DPH6: variants seen among roughly 807,000 people sequenced by gnomAD.
DPH6 encodes the protein diphthamine biosynthesis 6.
A neutral mutation model predicts 38.2 loss-of-function variants in DPH6; 33 were observed. The ratio of observed to expected loss-of-function variants is 0.86; its 90% confidence interval spans 0.65 to 1.15. The LOEUF (loss-of-function observed/expected upper bound fraction) is 1.15. Ranked by LOEUF, DPH6 falls within the 50% of genes most tolerant of loss-of-function variation. The probability of loss-of-function intolerance (pLI) is 0.00; values close to 1 mark genes in which losing one functional copy is unlikely to be tolerated. For synonymous variants in DPH6, 108 were observed against 103.0 expected, an observed-to-expected ratio of 1.05 and a Z score of -0.30; for missense variants, 325 against 320.0, an observed-to-expected ratio of 1.02 and a Z score of -0.12.
intron 3 of DPH6, among the ~76,000 whole-genome samples, chr15:35,312,010 G>GAAAAAAAAAAAA (rs10573455): frequency 4.9e-5 from 5 of 102,142 alleles, no homozygotes; most frequent in Admixed American, 1.1e-4. Context: ...TTAAGAAAAT[G>GAAAAAAAAAAAA]AAAAAAAAAA....
intron 5 of DPH6, among the ~76,000 whole-genome samples, chr15:35,431,856 C>G (rs1009295283): frequency 1.3e-5 from 2 of 151,948 alleles, no homozygotes; most frequent in Non-Finnish European, 2.9e-5. Flanking sequence ...GGCGCAATCT[C>G]GGCTCACTGC....
chr15:35,324,471 G>C (rs2052266441), intron 3 of DPH6, among the ~76,000 whole-genome samples: 1 of 152,100 alleles, frequency 6.6e-6, no homozygotes, highest in Admixed American at 6.6e-5. Flanking sequence ...TCCTTCCACT[G>C]TGTCTTATAA....
intron 3 of DPH6, among the ~76,000 whole-genome samples, chr15:35,300,341 A>C (rs574428770): frequency 2.6e-5 from 4 of 152,320 alleles, no homozygotes; most frequent in African/African-American, 9.6e-5. Flanking sequence ...TGAGTACTAC[A>C]TTGAGAATAA....
At chr15:35,239,805 A>G (rs1414061096) in intron 3 of DPH6, among the ~76,000 whole-genome samples, 3 of 140,926 alleles carry the variant, frequency 2.1e-5, no homozygotes, top group Non-Finnish European at 4.6e-5. Flanking sequence ...GAACCCCCCA[A>G]TCGCTTATTT....
intron 3 of DPH6, among the ~76,000 whole-genome samples, chr15:35,340,719 G>T (rs1214833521): frequency 6.6e-6 from 1 of 152,132 alleles, no homozygotes; most frequent in Non-Finnish European, 1.5e-5. Flanking sequence ...ATCTCTTCTG[G>T]CTTGTGGGGT....
At chr15:35,215,363 C>T (rs143877970), downstream of DPH6, among the ~76,000 whole-genome samples, 2 of 152,254 alleles carry the variant, frequency 1.3e-5, no homozygotes, top group African/African-American at 2.4e-5. Flanking sequence ...TAAGGAAGTA[C>T]ATATAACCTA....
chr15:35,269,249 T>C (rs1008685342), intron 3 of DPH6, among the ~76,000 whole-genome samples: 2 of 152,200 alleles, frequency 1.3e-5, no homozygotes, highest in Non-Finnish European at 2.9e-5. Context: ...TTTTTTCTTC[T>C]TCACTGTTTT....
downstream of DPH6, among the ~76,000 whole-genome samples, chr15:35,326,010 C>A (rs1431812048): frequency 6.6e-6 from 1 of 151,998 alleles, no homozygotes; most frequent in Non-Finnish European, 1.5e-5. Flanking sequence ...CCACAATATA[C>A]CAATCAGAAT....
chr15:35,284,800 A>AT (rs1214766013), intron 3 of DPH6, among the ~76,000 whole-genome samples: 2 of 112,806 alleles, frequency 1.8e-5, no homozygotes, highest in Non-Finnish European at 3.6e-5. Flanking sequence ...GAAGTCTCCA[A>AT]ATTTTTTTTT....
intron 3 of DPH6, among the ~76,000 whole-genome samples, chr15:35,341,235 T>C (rs1329803078): frequency 6.6e-6 from 1 of 152,204 alleles, no homozygotes; most frequent in Non-Finnish European, 1.5e-5. Context: ...GTTGGTTATG[T>C]TCCTCTCCAG....
the DPH6 span, among the ~76,000 whole-genome samples, chr15:35,147,079 A>G: frequency 6.6e-6 from 1 of 152,244 alleles, no homozygotes; most frequent in South Asian, 2.1e-4. Flanking sequence ...GCCATCAAGC[A>G]AGCACTTACA....
At chr15:35,488,982 GA>G (rs112457181) in intron 3 of DPH6, among the ~76,000 whole-genome samples, 17,423 of 146,030 alleles carry the variant, frequency 0.12, 1,495 homozygotes, top group African/African-American at 0.25. Flanking sequence ...TTTTTGCCAG[GA>G]AAAAAAAAAA....
rs56269036 is a variant in DPH6, at chr15:35,382,450, A to AACACACAC, written c.568-542_568-535dup. Among the ~76,000 whole-genome samples, 529 of 150,344 alleles carry AACACACAC rather than the reference A, an allele frequency of 3.5e-3. 4 individuals are homozygous for AACACACAC. Among genetic ancestry groups the AACACACAC allele is most frequent in the Middle Eastern group, 6.9e-3 (2 of 288 alleles). ...CGTCAAAAATAAAAACGAAAAACAAAACACACACACACACACACACACAAA... is the reference window on the plus strand; with the variant it reads ...CGTCAAAAATAAAAACGAAAAACAAAACACACACACACACACACACACACACACACAAA... On this transcript the variant is annotated intron_variant, in intron 6 of 8. Transcript: ENST00000256538.
chr15:35,481,914 C>A (rs1233859254), intron 3 of DPH6, among the ~76,000 whole-genome samples: 1 of 152,114 alleles, frequency 6.6e-6, no homozygotes, highest in African/African-American at 2.4e-5. Context: ...ATCCTAAATT[C>A]CCTAAAGCAA....
intron 3 of DPH6, among the ~76,000 whole-genome samples, chr15:35,321,575 A>C (rs1340220011): frequency 1.3e-5 from 2 of 152,222 alleles, no homozygotes; most frequent in Non-Finnish European, 2.9e-5. Context: ...GACTCTGGTA[A>C]TAGTCACACA....
At chr15:35,176,851 A>T in the DPH6 span, among the ~76,000 whole-genome samples, 1 of 152,346 alleles carries the variant, frequency 6.6e-6, no homozygotes, top group East Asian at 1.9e-4. Flanking sequence ...TTTAACTACC[A>T]TAATAACAGT....
chr15:35,466,554 G>A (rs1038964970), intron 3 of DPH6, among the ~76,000 whole-genome samples: 9 of 151,944 alleles, frequency 5.9e-5, no homozygotes, highest in African/African-American at 1.5e-4. Context: ...GAAAAAAATC[G>A]TTTATGTAAA....
intron 3 of DPH6, among the ~76,000 whole-genome samples, chr15:35,239,977 C>G (rs1288043762): frequency 7.1e-6 from 1 of 141,644 alleles, no homozygotes; most frequent in African/African-American, 2.5e-5. Flanking sequence ...TTCTGGAGGG[C>G]AAGAACCCCC....
chr15:35,540,667 A>G (rs2055239099), intron 2 of DPH6, among the ~76,000 whole-genome samples: 1 of 152,064 alleles, frequency 6.6e-6, no homozygotes, highest in Admixed American at 6.6e-5. Flanking sequence ...TCTCACTAAC[A>G]ATATTCTAAA....
Sources: gnomAD v4.1 joint callset for allele counts (sites outside exome capture counted in the v4.1 genomes callset) on GRCh38, gnomAD v4.1.1 for gene constraint, MANE v1.5 for transcripts, NCBI Gene and HGNC (gene_info 2026-07-23, HGNC 2026-07-21) for gene names.